The following DPF3 variants were observed in gnomAD, a reference collection of about 807,000 sequenced individuals.
DPF3 encodes the protein zinc finger protein DPF3.
A neutral mutation model predicts 56.8 loss-of-function variants in DPF3; 18 were observed. That is an observed-to-expected ratio of 0.32 (90% CI 0.22 to 0.47). The LOEUF is 0.47. Among genes scored for constraint, DPF3 ranks in the 20% least tolerant of loss-of-function variants. DPF3 has a pLI of 1.00. For synonymous variants in DPF3, 188 were observed against 180.2 expected, an observed-to-expected ratio of 1.04 and a Z score of -0.35; for missense variants, 403 against 488.8, an observed-to-expected ratio of 0.82 and a Z score of 1.65.
chr14:72,854,734 G>A (rs1185599328), intron 1 of DPF3, among the ~76,000 whole-genome samples: 1 of 152,170 alleles, frequency 6.6e-6, no homozygotes, highest in Non-Finnish European at 1.5e-5. Context: ...TAGGCAGCAG[G>A]ATCAAATGGT....
intron 2 of DPF3, among the ~76,000 whole-genome samples, chr14:72,767,600 A>G (rs1001014918): frequency 6.6e-6 from 1 of 152,148 alleles, no homozygotes; most frequent in Non-Finnish European, 1.5e-5. Flanking sequence ...AGCAACAGAG[A>G]GAAGAATTTT....
intron 1 of DPF3, among the ~76,000 whole-genome samples, chr14:72,835,334 G>A (rs1884246535): frequency 6.6e-6 from 1 of 152,152 alleles, no homozygotes; most frequent in Admixed American, 6.5e-5. Flanking sequence ...CCAAAGTGCT[G>A]GAATTACAGG....
At chr14:72,807,189 T>C (rs1882820387) in intron 1 of DPF3, among the ~76,000 whole-genome samples, 1 of 152,206 alleles carries the variant, frequency 6.6e-6, no homozygotes, top group South Asian at 2.1e-4. Context: ...ACAAACTAAA[T>C]AAGCTTGTGT....
At chr14:72,799,404 C>T (rs775520984) in intron 1 of DPF3, among the ~76,000 whole-genome samples, 9 of 152,144 alleles carry the variant, frequency 5.9e-5, no homozygotes, top group Non-Finnish European at 1.3e-4. Flanking sequence ...GTGACTCACA[C>T]CTATAATCCT....
rs200325643 is a variant in DPF3, at chr14:72,671,102, A to G, written c.871+3138T>C. On this transcript the variant is annotated intron_variant, in intron 8 of 10. Coordinates refer to ENST00000556509, the MANE Select transcript of DPF3 (RefSeq NM_001280542.3). ...GCACAATGACCAAAGTCAGAGGGGGATGGCTAATTGCCCAGAGAGTCTGTT... is the reference window on the plus strand; with the variant it reads ...GCACAATGACCAAAGTCAGAGGGGGGTGGCTAATTGCCCAGAGAGTCTGTT... 9 of 1,609,702 alleles carry G rather than the reference A, an allele frequency of 5.6e-6. No homozygotes were observed. The Admixed American group carries it at 1.5e-4, about 27-fold the overall frequency.
chr14:72,810,018 GC>G, intron 1 of DPF3, among the ~76,000 whole-genome samples: 1 of 152,328 alleles, frequency 6.6e-6, no homozygotes, highest in Admixed American at 6.5e-5. Flanking sequence ...TTAGCACTGT[GC>G]CTGTACATGT....
At chr14:72,654,427 G>A (rs1886009443) in intron 8 of DPF3, among the ~76,000 whole-genome samples, 2 of 152,130 alleles carry the variant, frequency 1.3e-5, no homozygotes, top group Non-Finnish European at 2.9e-5. Context: ...TTTGCACCAA[G>A]TTGGCACTTA....
At chr14:72,761,843 C>T (rs1891080894) in intron 2 of DPF3, among the ~76,000 whole-genome samples, 1 of 151,684 alleles carries the variant, frequency 6.6e-6, no homozygotes, top group Admixed American at 6.6e-5. Flanking sequence ...AAATAACATT[C>T]AAATTAACAA....
In DPF3 at chr14:72,612,987, G is replaced by A. The variant is rs1729877889; in HGVS notation, c.*6310C>T. Among the ~76,000 whole-genome samples the A allele has an allele frequency of 8.1e-6, 1 of 123,714 alleles. No individual in the cohort carries two copies. The highest frequency in any genetic ancestry group is 1.7e-5 in the Non-Finnish European group (1 of 57,618). 81.2% of individuals were successfully genotyped at this position (123,714 alleles called of 152,430 possible). Reference sequence around the variant, plus strand: ...TCAAAGTTTCCCTTTGGTTCATTAAGTAGGGCGTGTGTGTGTGTGTGTGTG... The same window carrying A: ...TCAAAGTTTCCCTTTGGTTCATTAAATAGGGCGTGTGTGTGTGTGTGTGTG... On this transcript the variant is annotated 3_prime_UTR_variant, in exon 11 of 11. Transcript: ENST00000556509.
intron 4 of DPF3, among the ~76,000 whole-genome samples, chr14:72,729,755 T>G (rs1889559816): frequency 6.6e-6 from 1 of 152,140 alleles, no homozygotes; most frequent in African/African-American, 2.4e-5. Flanking sequence ...GGCCAGTGGT[T>G]GCCAGGCATT....
At chr14:72,848,025 T>C (rs2140079327) in intron 1 of DPF3, among the ~76,000 whole-genome samples, 1 of 152,310 alleles carries the variant, frequency 6.6e-6, no homozygotes, top group East Asian at 1.9e-4. Flanking sequence ...AATACAGACT[T>C]AAGGATACAA....
chr14:72,646,172 A>G (rs1006468843), intron 8 of DPF3, among the ~76,000 whole-genome samples: 1 of 152,248 alleles, frequency 6.6e-6, no homozygotes. Flanking sequence ...GAATGTGTCC[A>G]TGCAGATATG....
intron 2 of DPF3, among the ~76,000 whole-genome samples, chr14:72,764,630 A>T (rs552636376): frequency 6.6e-5 from 10 of 151,298 alleles, no homozygotes; most frequent in Non-Finnish European, 1.2e-4. Flanking sequence ...CTGGGACTAC[A>T]GGCGCCCACC....
At chr14:72,703,259 G>T (rs1290504481) in intron 6 of DPF3, among the ~76,000 whole-genome samples, 2 of 151,982 alleles carry the variant, frequency 1.3e-5, no homozygotes, top group African/African-American at 2.4e-5. Flanking sequence ...GAATTCCTTT[G>T]GATGGAGACA....
chr14:72,725,398 T>C (rs997230748), intron 4 of DPF3, among the ~76,000 whole-genome samples: 26 of 151,920 alleles, frequency 1.7e-4, no homozygotes, highest in Admixed American at 1.6e-3. Flanking sequence ...ATGTGGAGGA[T>C]GAGCAAAGAC....
At chr14:72,627,419 A>T (rs1271523462) in intron 9 of DPF3, among the ~76,000 whole-genome samples, 4 of 152,096 alleles carry the variant, frequency 2.6e-5, no homozygotes, top group South Asian at 2.1e-4. Flanking sequence ...TCTCTGACCC[A>T]GTAATTTTAG....
intron 1 of DPF3, among the ~76,000 whole-genome samples, chr14:72,772,825 G>C (rs999599543): frequency 6.6e-6 from 1 of 152,100 alleles, no homozygotes; most frequent in Non-Finnish European, 1.5e-5. Flanking sequence ...ATGCCTCAAA[G>C]AAATACAAAT....
chr14:72,664,364 C>T (rs1311297623), intron 8 of DPF3, among the ~76,000 whole-genome samples: 1 of 152,130 alleles, frequency 6.6e-6, no homozygotes, highest in Admixed American at 6.5e-5. Flanking sequence ...TTTTCCTTTG[C>T]CCCACTAAAG....
At chr14:72,731,729 G>T (rs1451568631) in intron 4 of DPF3, 78 bp downstream of exon 4, 3 of 1,580,444 alleles carry the variant, frequency 1.9e-6, no homozygotes, top group Non-Finnish European at 2.6e-6. Context: ...AGGATCTGGA[G>T]CCAAGCCGGT....
Sources: gnomAD v4.1 joint callset for allele counts (sites outside exome capture counted in the v4.1 genomes callset) on GRCh38, gnomAD v4.1.1 for gene constraint, MANE v1.5 for transcripts, NCBI Gene and HGNC (gene_info 2026-07-23, HGNC 2026-07-21) for gene names.